The following ATRNL1 variants were observed in gnomAD, a reference collection of about 807,000 sequenced individuals.
The protein encoded by ATRNL1 is attractin like 1.
In ATRNL1, 95 loss-of-function variants were observed where a neutral mutation model predicts 182.7. The observed-to-expected ratio is 0.52, with a 90% CI of 0.44 to 0.62. ATRNL1 has a LOEUF of 0.62. ATRNL1 is among the 20% of genes least tolerant of loss of function. The probability of loss-of-function intolerance (pLI) is 0.00; values close to 1 mark genes in which losing one functional copy is unlikely to be tolerated. For missense variants in ATRNL1, 1,471 were observed against 1,679.5 expected (o/e 0.88, Z 2.17); for synonymous variants, 576 against 568.3 (o/e 1.01, Z -0.19).
chr10:115,864,050 A>T (rs1297735104), intron 28 of ATRNL1, among the ~76,000 whole-genome samples: 2 of 152,114 alleles, frequency 1.3e-5, no homozygotes, highest in Non-Finnish European at 2.9e-5. Context: ...TAAAGAATAG[A>T]TAGTTCGAGA....
chr10:115,147,505 C>T (rs1289206818), intron 5 of ATRNL1, among the ~76,000 whole-genome samples: 1 of 151,982 alleles, frequency 6.6e-6, no homozygotes, highest in Admixed American at 6.6e-5. Flanking sequence ...ATTTTTGTTG[C>T]CTGTGCTTTT....
chr10:115,688,757 G>T (rs1946298672), intron 26 of ATRNL1, among the ~76,000 whole-genome samples: 1 of 151,970 alleles, frequency 6.6e-6, no homozygotes, highest in African/African-American at 2.4e-5. Context: ...CCATTCAGGG[G>T]GTGGTCTATT....
chr10:115,228,308 A>G (rs1001690182), intron 9 of ATRNL1, among the ~76,000 whole-genome samples: 1 of 152,192 alleles, frequency 6.6e-6, no homozygotes, highest in Non-Finnish European at 1.5e-5. Flanking sequence ...TCTTGAACTT[A>G]TAGGAGTTCC....
chr10:115,150,895 C>G (rs1174375026), intron 5 of ATRNL1, among the ~76,000 whole-genome samples: 16 of 152,110 alleles, frequency 1.1e-4, no homozygotes, highest in Admixed American at 1.0e-3. Flanking sequence ...CACGACAGGC[C>G]TTGGTGTGAT....
intron 25 of ATRNL1, among the ~76,000 whole-genome samples, chr10:115,536,437 G>T (rs1565144356): frequency 6.6e-6 from 1 of 152,190 alleles, no homozygotes; most frequent in Admixed American, 6.5e-5. Context: ...ATAATCTCCT[G>T]GTGCGCCATT....
At chr10:115,423,458 A>T (rs1008928413) in intron 20 of ATRNL1, among the ~76,000 whole-genome samples, 2 of 152,060 alleles carry the variant, frequency 1.3e-5, no homozygotes, top group African/African-American at 4.8e-5. Flanking sequence ...AGCACAGGAG[A>T]TGAAGGCTGC....
At chr10:115,562,391 A>C (rs879984297) in intron 26 of ATRNL1, among the ~76,000 whole-genome samples, 1 of 151,964 alleles carries the variant, frequency 6.6e-6, no homozygotes, top group Non-Finnish European at 1.5e-5. Flanking sequence ...TTAAAATTAG[A>C]CTGTGGTAAT....
At chr10:115,755,426 A>G (rs1948560847) in intron 27 of ATRNL1, among the ~76,000 whole-genome samples, 1 of 152,294 alleles carries the variant, frequency 6.6e-6, no homozygotes, top group East Asian at 1.9e-4. Flanking sequence ...TATTGAGATA[A>G]TCATGTGGTT....
At position 115,609,455 on chromosome 10, in the gene ATRNL1, GTTAAA is replaced by G. The variant is rs1173342795; in HGVS notation, c.3795+59923_3795+59927del. 1.1e-4 allele frequency among the ~76,000 whole-genome samples: 16 copies of G among 152,244 alleles called. No homozygotes were observed. The South Asian group carries it at 2.1e-3, about 20-fold the overall frequency. On this transcript the variant is annotated intron_variant, in intron 26 of 28. Coordinates refer to ENST00000355044, the MANE Select transcript of ATRNL1 (RefSeq NM_207303.4). The stretch of plus-strand genomic sequence containing the variant: ...ATTATAAAAGAATGCTTAATTTAGA[GTTAAA>G]TTAGAGTTAAAAACTATTAAATAAC...
intron 5 of ATRNL1, among the ~76,000 whole-genome samples, chr10:115,133,384 C>G (rs964739688): frequency 6.6e-6 from 1 of 152,070 alleles, no homozygotes; most frequent in Non-Finnish European, 1.5e-5. Flanking sequence ...CAAAAAAAGC[C>G]TGAGGTTGCA....
At chr10:115,312,578 A>G (rs1854088980) in intron 17 of ATRNL1, among the ~76,000 whole-genome samples, 1 of 152,042 alleles carries the variant, frequency 6.6e-6, no homozygotes, top group Admixed American at 6.5e-5. Context: ...TGATGACTAT[A>G]TACATTGGTA....
chr10:115,706,292 ACTT>A (rs1479236892), intron 26 of ATRNL1, among the ~76,000 whole-genome samples: 2 of 151,734 alleles, frequency 1.3e-5, no homozygotes, highest in Non-Finnish European at 2.9e-5. Context: ...CATTAGCTTG[ACTT>A]CTTCTCTAGT....
At chr10:115,931,175 A>G (rs1201092834) in intron 28 of ATRNL1, among the ~76,000 whole-genome samples, 2 of 152,196 alleles carry the variant, frequency 1.3e-5, no homozygotes, top group African/African-American at 4.8e-5. Context: ...AATGATAAAT[A>G]TATTTGCAAA....
At chr10:115,173,036 A>G (rs1847356144) in intron 8 of ATRNL1, among the ~76,000 whole-genome samples, 1 of 151,828 alleles carries the variant, frequency 6.6e-6, no homozygotes, top group Non-Finnish European at 1.5e-5. Context: ...ATCACTCGCA[A>G]TTGATGACCT....
intron 10 of ATRNL1, among the ~76,000 whole-genome samples, chr10:115,263,170 C>G (rs1851463089): frequency 6.6e-6 from 1 of 151,680 alleles, no homozygotes; most frequent in Non-Finnish European, 1.5e-5. Flanking sequence ...CACACAGTAC[C>G]ACTTGTATCT....
chr10:115,906,040 C>A (rs1360789757), intron 28 of ATRNL1, among the ~76,000 whole-genome samples: 5 of 152,150 alleles, frequency 3.3e-5, no homozygotes, highest in African/African-American at 1.2e-4. Context: ...ATAAATCAAG[C>A]TCTGAGACTA....
At chr10:115,223,887 A>ATATGTGTGTG (rs1554771070) in intron 9 of ATRNL1, among the ~76,000 whole-genome samples, 32 of 80,108 alleles carry the variant, frequency 4.0e-4, no homozygotes, top group African/African-American at 1.4e-3. Flanking sequence ...TATTTAATAT[A>ATATGTGTGTG]TGTGTGTGTG....
intron 26 of ATRNL1, among the ~76,000 whole-genome samples, chr10:115,621,302 G>A (rs1555022803): frequency 7.3e-6 from 1 of 136,418 alleles, no homozygotes; most frequent in Non-Finnish European, 1.6e-5. Context: ...GAGAGAGAGA[G>A]AGAGAGAGAG....
intron 25 of ATRNL1, among the ~76,000 whole-genome samples, chr10:115,534,591 A>G (rs1592805731): frequency 2.6e-5 from 4 of 152,302 alleles, no homozygotes. Context: ...TAATTGGAGC[A>G]TTTAGTCCAT....
Sources: allele counts gnomAD v4.1 joint callset (sites outside exome capture counted in the v4.1 genomes callset), GRCh38; gene constraint gnomAD v4.1.1; transcripts MANE v1.5; gene names NCBI Gene and HGNC (gene_info 2026-07-23, HGNC 2026-07-21).